The following SIN3A variants were observed in gnomAD, a reference collection of about 807,000 sequenced individuals.
The protein encoded by SIN3A is paired amphipathic helix protein Sin3a.
SIN3A carries 14 observed loss-of-function variants against 146.1 expected under a neutral mutation model. The observed-to-expected ratio is 0.10, with a 90% CI of 0.06 to 0.15. The LOEUF (loss-of-function observed/expected upper bound fraction) is 0.15, where lower values mean the gene tolerates loss of function less well. Among genes scored for constraint, SIN3A ranks in the 10% least tolerant of loss-of-function variants. The pLI, the probability that SIN3A is intolerant of heterozygous loss-of-function variation, is 1.00. For synonymous variants in SIN3A, 572 were observed against 572.0 expected (o/e 1.00, Z 0.00); for missense variants, 1,028 against 1,576.0 (o/e 0.65, Z 5.89).
chr15:75,426,377 T>C (rs540491922), intron 2 of SIN3A, among the ~76,000 whole-genome samples: 5 of 152,182 alleles, frequency 3.3e-5, no homozygotes, highest in African/African-American at 9.7e-5. Flanking sequence ...TATATTTTTA[T>C]ACTAAATTCC....
chr15:75,450,561 T>C (rs981494810), intron 1 of SIN3A, among the ~76,000 whole-genome samples: 9 of 152,172 alleles, frequency 5.9e-5, no homozygotes, highest in African/African-American at 1.9e-4. Flanking sequence ...TTCGCCCCAA[T>C]AGTTACAACC....
rs750164227 is a variant in SIN3A, at chr15:75,380,665, C to T, written c.3347G>A (p.Arg1116His). Residue 1116 changes from arginine (R) to histidine (H), a missense_variant, in exon 19 of 21, where the codon CGT (arginine) becomes CAT (histidine). This residue lies in a region of SIN3A where 488 missense variants were observed against 690.2 expected (regional missense o/e 0.71). Coordinates refer to ENST00000394947, the MANE Select transcript of SIN3A (RefSeq NM_001145358.2). ...TACTGGTTTCTGTGCTAGATGTTCACGAAGCTCAGGCGAGGTAGTATCTGA... is the reference window on the plus strand; with the variant it reads ...TACTGGTTTCTGTGCTAGATGTTCATGAAGCTCAGGCGAGGTAGTATCTGA... The part of the protein sequence containing the change: ...MNSDTTSPEL[R>H]EHLAQKPVFL... 6 of 1,613,892 alleles carry T rather than the reference C, an allele frequency of 3.7e-6. No homozygotes were observed. The highest frequency in any genetic ancestry group is 1.3e-5 in the African/African-American group (1 of 74,900).
chr15:75,437,177 C>CT (rs5813801), intron 1 of SIN3A, among the ~76,000 whole-genome samples: 54,426 of 145,074 alleles, frequency 0.38, 11,061 homozygotes, highest in African/African-American at 0.55. Context: ...TCCCAGAACC[C>CT]TTTTTTTTTT....
intron 2 of SIN3A, among the ~76,000 whole-genome samples, chr15:75,427,524 G>A (rs2073945784): frequency 6.6e-6 from 1 of 152,044 alleles, no homozygotes; most frequent in African/African-American, 2.4e-5. Flanking sequence ...GCTGGGCGTG[G>A]TGGTGCACGC....
At position 75,412,047 on chromosome 15, in the gene SIN3A, T is replaced by C. The variant is rs183943730; in HGVS notation, c.757-304A>G. Among the ~76,000 whole-genome samples the C allele has an allele frequency of 2.5e-4, 38 of 152,310 alleles. 2 individuals are homozygous for C. The highest frequency in any genetic ancestry group is 2.9e-5 in the Non-Finnish European group (2 of 68,018). On this transcript the variant is annotated intron_variant, in intron 5 of 20. Coordinates refer to ENST00000394947, the MANE Select transcript of SIN3A (RefSeq NM_001145358.2). ...AGCTTAGTAGCTCAACAAGTACACA[T>C]AGAAAAAATCTCATTCTACATAGCC... is the stretch of plus-strand genomic sequence containing the variant.
intron 12 of SIN3A, among the ~76,000 whole-genome samples, chr15:75,399,762 T>C (rs533166506): frequency 1.3e-5 from 2 of 152,194 alleles, no homozygotes; most frequent in Non-Finnish European, 2.9e-5. Context: ...AATCTTAAAA[T>C]GCCATGCAAA....
At chr15:75,449,781 T>A (rs2074369997) in intron 1 of SIN3A, among the ~76,000 whole-genome samples, 1 of 152,190 alleles carries the variant, frequency 6.6e-6, no homozygotes, top group South Asian at 2.1e-4. Flanking sequence ...GAAACCAAGT[T>A]TTTTTGGTTG....
intron 1 of SIN3A, among the ~76,000 whole-genome samples, chr15:75,431,727 C>G (rs1241683973): frequency 1.3e-5 from 2 of 152,114 alleles, no homozygotes; most frequent in Non-Finnish European, 2.9e-5. Flanking sequence ...CACACAAGCC[C>G]TGAAGGGAAA....
chr15:75,454,398 TA>T, upstream of SIN3A, among the ~76,000 whole-genome samples: 1 of 151,736 alleles, frequency 6.6e-6, no homozygotes, highest in Non-Finnish European at 1.5e-5. Flanking sequence ...GAGTAGATAG[TA>T]AACAGTCTGG....
chr15:75,390,624 T>C (rs1466478362), intron 15 of SIN3A, among the ~76,000 whole-genome samples: 2 of 152,232 alleles, frequency 1.3e-5, no homozygotes, highest in Non-Finnish European at 2.9e-5. Flanking sequence ...GAAAAAGGAC[T>C]GGTTATCAGA....
intron 19 of SIN3A, among the ~76,000 whole-genome samples, chr15:75,379,245 G>A (rs1284541036): frequency 1.3e-5 from 2 of 152,066 alleles, no homozygotes; most frequent in Admixed American, 1.3e-4. Context: ...ACATTTCTTT[G>A]TTTTTATTTC....
intron 2 of SIN3A, among the ~76,000 whole-genome samples, chr15:75,426,204 A>T (rs1285105404): frequency 6.6e-6 from 1 of 152,222 alleles, no homozygotes; most frequent in Non-Finnish European, 1.5e-5. Context: ...GTAAACAAGC[A>T]ACTTTTTTTT....
chr15:75,412,895 A>T lies in SIN3A; in HGVS notation c.624T>A (p.Val208=). The T allele has an allele frequency of 6.2e-7, 1 of 1,613,944 alleles. No homozygotes were observed. ...GGATGCCATGGGTGGGAATCTGATG[A>T]ACCTGGCCAGGAGTTGTCACATTCA... The part of the protein sequence containing the change: ...DMVNVTTPGQ[V]HQIPTHGIQP... The change falls in exon 5 of 21, where the codon GTT becomes GTA. Residue 208 remains valine (V), a synonymous_variant. Transcript: ENST00000394947.
chr15:75,434,558 G>A (rs1171323521), intron 1 of SIN3A, among the ~76,000 whole-genome samples: 1 of 151,878 alleles, frequency 6.6e-6, no homozygotes, highest in Non-Finnish European at 1.5e-5. Context: ...GCTGAGGCAC[G>A]AGAATCACTT....
chr15:75,433,112 A>C (rs1485124016), intron 1 of SIN3A, among the ~76,000 whole-genome samples: 1 of 152,200 alleles, frequency 6.6e-6, no homozygotes, highest in Non-Finnish European at 1.5e-5. Flanking sequence ...GCACGACTAT[A>C]GAAAAAACAC....
intron 19 of SIN3A, among the ~76,000 whole-genome samples, chr15:75,376,684 C>G (rs1013474485): frequency 7.6e-6 from 1 of 130,836 alleles, no homozygotes; most frequent in African/African-American, 3.1e-5. Context: ...TGGCAAAAAC[C>G]CCTTCTCTAC....
chr15:75,406,735 G>A (rs961877998), intron 9 of SIN3A, among the ~76,000 whole-genome samples: 28 of 152,272 alleles, frequency 1.8e-4, no homozygotes, highest in East Asian at 1.3e-3. Flanking sequence ...ATTGGTACAG[G>A]CACTGGTACT....
intron 1 of SIN3A, among the ~76,000 whole-genome samples, chr15:75,450,082 G>A (rs2074375236): frequency 6.6e-6 from 1 of 151,788 alleles, no homozygotes; most frequent in African/African-American, 2.4e-5. Context: ...GCCCGTCCAG[G>A]AAACTAAGTT....
At chr15:75,384,099 C>T (rs1357950103) in intron 17 of SIN3A, 165 bp downstream of exon 17, 1 of 449,838 alleles carries the variant, frequency 2.2e-6, no homozygotes, top group Admixed American at 3.5e-5. Flanking sequence ...AGTAGATTGT[C>T]CAGGAAGACA....
Sources: gnomAD v4.1 joint callset for allele counts (sites outside exome capture counted in the v4.1 genomes callset) on GRCh38, gnomAD v4.1.1 for gene constraint, gnomAD v4.1.1 regional missense constraint, MANE v1.5 for transcripts, NCBI Gene and HGNC (gene_info 2026-07-23, HGNC 2026-07-21) for gene names.